Variants in GPLD1 observed in about 807,000 individuals in gnomAD.
GPLD1 encodes phosphatidylinositol-glycan-specific phospholipase D.
A neutral mutation model predicts 112.6 loss-of-function variants in GPLD1; 84 were observed. That is an observed-to-expected ratio of 0.75 (90% CI 0.63 to 0.89). The LOEUF is 0.89. Among genes scored for constraint, GPLD1 ranks in the 40% least tolerant of loss-of-function variants. GPLD1 has a pLI of 0.00. For missense variants in GPLD1, 1,044 were observed against 1,051.5 expected, an observed-to-expected ratio of 0.99 and a Z score of 0.10; for synonymous variants, 386 against 403.8, an observed-to-expected ratio of 0.96 and a Z score of 0.53.
intron 2 of GPLD1, among the ~76,000 whole-genome samples, chr6:24,483,847 G>C (rs566979191): frequency 1.3e-5 from 2 of 151,584 alleles, no homozygotes; most frequent in Admixed American, 6.6e-5. Flanking sequence ...GGGTTCAAGC[G>C]ATTCTCCTGC....
At chr6:24,491,851 G>A (rs1764567645), upstream of GPLD1, among the ~76,000 whole-genome samples, 2 of 152,168 alleles carry the variant, frequency 1.3e-5, no homozygotes, top group Non-Finnish European at 2.9e-5. Context: ...TAGTGTGATA[G>A]TTATGAATAT....
chr6:24,431,713 T>G (rs1274258702), intron 24 of GPLD1, among the ~76,000 whole-genome samples: 1 of 151,962 alleles, frequency 6.6e-6, no homozygotes. Context: ...TTTTGTATTT[T>G]TAGTAGAGCC....
intron 1 of GPLD1, among the ~76,000 whole-genome samples, chr6:24,487,258 C>T (rs7738679): frequency 0.2 from 26,937 of 134,458 alleles, 2,771 homozygotes; most frequent in African/African-American, 0.31. Flanking sequence ...TGACCTTCCA[C>T]TCAGGCCCCT....
At chr6:24,456,025 AT>A (rs1040501107) in intron 13 of GPLD1, among the ~76,000 whole-genome samples, 7 of 152,158 alleles carry the variant, frequency 4.6e-5, no homozygotes, top group African/African-American at 1.7e-4. Flanking sequence ...AGAAAAAAAA[AT>A]TTTTTTAATC....
intron 2 of GPLD1, among the ~76,000 whole-genome samples, chr6:24,485,672 C>T (rs11754897): frequency 3.1e-4 from 46 of 147,236 alleles, no homozygotes; most frequent in South Asian, 4.3e-4. Flanking sequence ...AATAATGAGT[C>T]TCTTTTTTTT....
At chr6:24,425,189 C>T (rs904522182), downstream of GPLD1, 3 of 152,172 alleles carry the variant, frequency 2.0e-5, no homozygotes, top group Non-Finnish European at 1.5e-5. Flanking sequence ...TTTTGGCACA[C>T]CTCAGAGCAC....
intron 7 of GPLD1, among the ~76,000 whole-genome samples, chr6:24,469,000 G>C (rs1480987159): frequency 6.6e-6 from 1 of 152,184 alleles, no homozygotes; most frequent in Non-Finnish European, 1.5e-5. Flanking sequence ...ATAAAGCAAT[G>C]AAAAGAATTC....
chr6:24,435,479 T>G (rs1762540700), intron 22 of GPLD1, among the ~76,000 whole-genome samples: 1 of 152,192 alleles, frequency 6.6e-6, no homozygotes, highest in Non-Finnish European at 1.5e-5. Flanking sequence ...AGATAATTTT[T>G]AATTCTCTTT....
chr6:24,466,402 T>C (rs1763612732), intron 10 of GPLD1, among the ~76,000 whole-genome samples: 1 of 152,218 alleles, frequency 6.6e-6, no homozygotes, highest in Admixed American at 6.5e-5. Context: ...GATTCCTGCC[T>C]GGCTGAGCCA....
At chr6:24,459,583 C>T (rs903276157) in intron 12 of GPLD1, among the ~76,000 whole-genome samples, 3 of 152,188 alleles carry the variant, frequency 2.0e-5, no homozygotes, top group Non-Finnish European at 4.4e-5. Flanking sequence ...ATGCACTTAC[C>T]GCACCATGGT....
intron 6 of GPLD1, chr6:24,473,098 T>G (rs1296291878): frequency 8.7e-6 from 1 of 115,242 alleles, no homozygotes; most frequent in African/African-American, 2.9e-5. Flanking sequence ...TTTTTTTTTT[T>G]TAAGAAAAAA....
chr6:24,482,349 C>T (rs1263744963), intron 2 of GPLD1, among the ~76,000 whole-genome samples: 7 of 151,910 alleles, frequency 4.6e-5, no homozygotes, highest in Non-Finnish European at 4.4e-5. Flanking sequence ...GGCATGATCT[C>T]GGCTCACTGC....
At chr6:24,474,997 C>A in intron 5 of GPLD1, 124 bp downstream of exon 5, 7 of 546,540 alleles carry the variant, frequency 1.3e-5, no homozygotes, top group South Asian at 5.7e-5. Context: ...TCTAACCAAA[C>A]ACTGCTTTGG....
intron 12 of GPLD1, among the ~76,000 whole-genome samples, chr6:24,457,704 A>G (rs948636024): frequency 7.2e-5 from 11 of 151,802 alleles, no homozygotes; most frequent in Admixed American, 6.6e-4. Flanking sequence ...AATATAGTAA[A>G]ACCCCGTCTC....
chr6:24,433,252 G>T lies in GPLD1; in HGVS notation c.2386-15C>A. The T allele has an allele frequency of 1.2e-6, 2 of 1,607,932 alleles. No homozygotes were observed. Among genetic ancestry groups the T allele is most frequent in the Non-Finnish European group, 8.5e-7 (1 of 1,174,414 alleles). ...CTTGAGCTGGCCTGTAAAACATGCC[G>T]TCTGTTAATGGGCTTTGAAGAACAT... On this transcript the variant is annotated splice_polypyrimidine_tract_variant and intron_variant, in intron 23 of 24. Transcript: ENST00000230036.
chr6:24,441,951 T>C (rs1366377502), intron 20 of GPLD1, among the ~76,000 whole-genome samples: 1 of 148,906 alleles, frequency 6.7e-6, no homozygotes, highest in East Asian at 1.9e-4. Context: ...TTCATATTTA[T>C]ATATAATATA....
rs941100766 is a variant in GPLD1 at position 24,426,631 on chromosome 6, T to C, written c.*2401A>G. Among the ~76,000 whole-genome samples the C allele has an allele frequency of 2.6e-5, 4 of 152,218 alleles. No homozygotes were observed. Among genetic ancestry groups the C allele is most frequent in the African/African-American group, 4.8e-5 (2 of 41,448 alleles). ...TAGTGAAGCATAAAAACTGACACTA[T>C]ATAAATGCATCCGTCTAATGAAAAG... On this transcript the variant is annotated 3_prime_UTR_variant, in exon 25 of 25. Transcript: ENST00000230036.
At position 24,444,497 on chromosome 6, in the gene GPLD1, TA is replaced by T. The variant is rs144774251; in HGVS notation, c.2020+1048del. On this transcript the variant is annotated intron_variant, in intron 20 of 24. Transcript: ENST00000230036. The stretch of plus-strand genomic sequence containing the variant: ...AATCTGGGAGGAAATGGTTCTTATT[TA>T]TTTTTTTTTTTAAAGACTATCTTTC... 7.1e-3 allele frequency among the ~76,000 whole-genome samples: 1,078 copies of T among 151,612 alleles called. 14 individuals are homozygous for T. The highest frequency in any genetic ancestry group is 0.023 in the African/African-American group (957 of 41,296).
At chr6:24,434,779 A>C (rs1386914756) in intron 22 of GPLD1, among the ~76,000 whole-genome samples, 2 of 144,398 alleles carry the variant, frequency 1.4e-5, no homozygotes, top group Non-Finnish European at 3.0e-5. Context: ...TGGAGGTTGC[A>C]GTGAGCCGAG....
Sources: gnomAD v4.1 joint callset for allele counts (sites outside exome capture counted in the v4.1 genomes callset) on GRCh38, gnomAD v4.1.1 for gene constraint, MANE v1.5 for transcripts, NCBI Gene and HGNC (gene_info 2026-07-23, HGNC 2026-07-21) for gene names.